The following OGDH variants were observed in gnomAD, a reference collection of about 807,000 sequenced individuals.
The protein encoded by OGDH is 2-oxoglutarate dehydrogenase complex component E1.
In OGDH, 38 loss-of-function variants were observed where a neutral mutation model predicts 116.6. The ratio of observed to expected loss-of-function variants is 0.33; its 90% CI spans 0.25 to 0.43. OGDH has a LOEUF of 0.43. OGDH is among the 20% of genes least tolerant of loss of function. The probability of loss-of-function intolerance (pLI) is 1.00; values close to 1 mark genes in which losing one functional copy is unlikely to be tolerated. For synonymous variants in OGDH, 488 were observed against 533.3 expected (o/e 0.92, Z 1.17); for missense variants, 825 against 1,357.2 (o/e 0.61, Z 6.16).
intron 2 of OGDH, among the ~76,000 whole-genome samples, chr7:44,634,430 T>G (rs1285268347): frequency 2.0e-5 from 3 of 152,224 alleles, no homozygotes; most frequent in Non-Finnish European, 4.4e-5. Flanking sequence ...TTTAGTCTAG[T>G]GCAGAATCCC....
At chr7:44,611,191 C>G (rs1259593264) in intron 1 of OGDH, among the ~76,000 whole-genome samples, 1 of 151,404 alleles carries the variant, frequency 6.6e-6, no homozygotes, top group Non-Finnish European at 1.5e-5. Context: ...TCCGGTGATC[C>G]TCACACCTCA....
chr7:44,644,423 T>C (rs921030283), intron 2 of OGDH, among the ~76,000 whole-genome samples: 1 of 152,242 alleles, frequency 6.6e-6, no homozygotes, highest in African/African-American at 2.4e-5. Context: ...AATTAGTTTA[T>C]AGTTTTTCTA....
At chr7:44,695,901 G>C (rs951576102) in intron 12 of OGDH, 124 bp from the exon 13 acceptor site, 2 of 638,086 alleles carry the variant, frequency 3.1e-6, no homozygotes, top group Non-Finnish European at 5.8e-6. Context: ...GGGCATGCAC[G>C]GGAGTTGTGC....
rs373871438 is a variant in OGDH at position 44,670,738 on chromosome 7, T to C, written c.634-3049T>C. On this transcript the variant is annotated intron_variant, in intron 5 of 22. Coordinates refer to ENST00000222673, the MANE Select transcript of OGDH (RefSeq NM_002541.4). Reference sequence around the variant, plus strand: ...AAAATATGGTTTGTGGGGCTGGGCGTGGTGGCTCAAGCCTGTAATCCCAGC... The same window carrying C: ...AAAATATGGTTTGTGGGGCTGGGCGCGGTGGCTCAAGCCTGTAATCCCAGC... 2.3e-3 allele frequency among the ~76,000 whole-genome samples: 354 copies of C among 151,966 alleles called. 2 individuals carry two copies. The highest frequency in any genetic ancestry group is 6.5e-3 in the African/African-American group (269 of 41,478).
At chr7:44,685,103 C>A (rs563912211) in intron 10 of OGDH, among the ~76,000 whole-genome samples, 129 of 152,084 alleles carry the variant, frequency 8.5e-4, no homozygotes, top group African/African-American at 3.0e-3. Context: ...TGTTTTTTTA[C>A]TAGGGTAAAA....
At chr7:44,649,754 A>G (rs1786350861) in intron 4 of OGDH, among the ~76,000 whole-genome samples, 1 of 152,154 alleles carries the variant, frequency 6.6e-6, no homozygotes, top group Non-Finnish European at 1.5e-5. Context: ...AACCCTAAGC[A>G]CTGTCAACAT....
At chr7:44,644,268 A>C (rs1429402103) in intron 2 of OGDH, among the ~76,000 whole-genome samples, 1 of 152,252 alleles carries the variant, frequency 6.6e-6, no homozygotes, top group African/African-American at 2.4e-5. Context: ...ACTTTTGTGA[A>C]GTCTTAGTAT....
intron 5 of OGDH, among the ~76,000 whole-genome samples, chr7:44,672,946 AT>A (rs2116136385): frequency 6.6e-6 from 1 of 151,996 alleles, no homozygotes; most frequent in African/African-American, 2.4e-5. Flanking sequence ...TGGCCCCGAG[AT>A]GGACTTCTAA....
At chr7:44,632,238 G>A (rs941245191) in intron 2 of OGDH, among the ~76,000 whole-genome samples, 1 of 152,140 alleles carries the variant, frequency 6.6e-6, no homozygotes, top group East Asian at 1.9e-4. Context: ...GCAGGCATAC[G>A]AGGTCACTGA....
intron 4 of OGDH, among the ~76,000 whole-genome samples, chr7:44,653,594 T>G (rs1353840043): frequency 6.6e-6 from 1 of 152,200 alleles, no homozygotes; most frequent in African/African-American, 2.4e-5. Context: ...TGGCACGATC[T>G]CGACTCACTG....
intron 1 of OGDH, among the ~76,000 whole-genome samples, chr7:44,618,049 G>A (rs1309361722): frequency 1.3e-5 from 2 of 152,010 alleles, no homozygotes; most frequent in Admixed American, 1.3e-4. Context: ...GTTTCCTAAG[G>A]GCAGGGCGTT....
intron 1 of OGDH, among the ~76,000 whole-genome samples, chr7:44,616,628 T>TATAC (rs1004488029): frequency 8.7e-5 from 13 of 149,358 alleles, no homozygotes; most frequent in African/African-American, 3.2e-4. Flanking sequence ...TATATATATA[T>TATAC]ACACATGTTT....
chr7:44,648,374 A>T (rs1683144221), intron 4 of OGDH, among the ~76,000 whole-genome samples: 1 of 152,170 alleles, frequency 6.6e-6, no homozygotes, highest in Admixed American at 6.5e-5. Context: ...TTGCCAGAAG[A>T]TAGTCCCACC....
At chr7:44,609,693 A>G (rs1041228108) in intron 1 of OGDH, among the ~76,000 whole-genome samples, 4 of 152,166 alleles carry the variant, frequency 2.6e-5, no homozygotes, top group Admixed American at 6.6e-5. Flanking sequence ...ATAAATTGAC[A>G]TTTCTCCAAG....
intron 4 of OGDH, among the ~76,000 whole-genome samples, chr7:44,663,094 G>A (rs1256586772): frequency 6.6e-6 from 1 of 152,070 alleles, no homozygotes; most frequent in African/African-American, 2.4e-5. Flanking sequence ...ACTGTCACAT[G>A]TCCCCTGAGG....
chr7:44,650,020 C>G (rs1287638205), intron 4 of OGDH, among the ~76,000 whole-genome samples: 1 of 152,184 alleles, frequency 6.6e-6, no homozygotes, highest in Non-Finnish European at 1.5e-5. Context: ...AGGAAAACTT[C>G]TGACATCTCT....
At chr7:44,667,858 A>G (rs567340025) in intron 5 of OGDH, among the ~76,000 whole-genome samples, 48 of 152,286 alleles carry the variant, frequency 3.2e-4, no homozygotes, top group Non-Finnish European at 5.3e-4. Flanking sequence ...TTGAGTATAT[A>G]TATCAGCTGG....
rs530294632 is a variant in OGDH, at chr7:44,706,834, G to A, written c.2633-391G>A. Among the ~76,000 whole-genome samples the A allele has an allele frequency of 2.0e-5, 3 of 151,638 alleles. No individual in the cohort carries two copies. In the East Asian group the frequency reaches 5.8e-4, roughly 29 times the overall value. On this transcript the variant is annotated intron_variant, in intron 20 of 22. Transcript: ENST00000222673. ...AGACGGGGTTTCACCATGTTGCCCA[G>A]GCTGGTCTCGAACTCCTGAACTCAG...
chr7:44,643,181 G>A (rs1786027055), intron 2 of OGDH, among the ~76,000 whole-genome samples: 2 of 149,486 alleles, frequency 1.3e-5, no homozygotes, highest in African/African-American at 4.9e-5. Flanking sequence ...TTGCTGTATT[G>A]CCCAGGCCAG....
Sources: gnomAD v4.1 joint callset for allele counts (sites outside exome capture counted in the v4.1 genomes callset) on GRCh38, gnomAD v4.1.1 for gene constraint, MANE v1.5 for transcripts, NCBI Gene and HGNC (gene_info 2026-07-23, HGNC 2026-07-21) for gene names.